The following ZNF518A variants were observed in gnomAD, a reference collection of about 807,000 sequenced individuals.
The protein encoded by ZNF518A is zinc finger protein 518A.
Under a neutral mutation model 102.7 loss-of-function variants are expected in ZNF518A, and 47 were observed. The observed-to-expected ratio is 0.46, with a 90% CI of 0.36 to 0.58. The LOEUF (loss-of-function observed/expected upper bound fraction) is 0.58. Among genes scored for constraint, ZNF518A ranks in the 20% least tolerant of loss-of-function variants. ZNF518A has a pLI of 0.00. For synonymous variants in ZNF518A, 652 were observed against 594.6 expected (o/e 1.10, Z -1.40); for missense variants, 1,793 against 1,699.8 (o/e 1.05, Z -0.96).
In ZNF518A at chr10:96,160,666, A is replaced by G. The variant is rs782319785; in HGVS notation, c.4344A>G (p.Lys1448=). 6.2e-7 allele frequency: 1 copy of G among 1,613,224 alleles called. No individual in the cohort carries two copies. The highest frequency in any genetic ancestry group is 1.1e-5 in the South Asian group (1 of 91,014). Residue 1448 remains lysine, a synonymous_variant, in exon 6 of 6, where the codon AAA becomes AAG. Coordinates refer to ENST00000316045, the MANE Select transcript of ZNF518A (RefSeq NM_001330736.2). Reference sequence around the variant, plus strand: ...CCTCTGAAAATATTTTGAAGGCTAAATTTAACTGTTGGTTTTGTGGTAGAG... The same window carrying G: ...CCTCTGAAAATATTTTGAAGGCTAAGTTTAACTGTTGGTTTTGTGGTAGAG... ...KTTSENILKA[K]FNCWFCGRVF...
At chr10:96,195,477 C>A (rs1216663334) in intron 1 of ZNF518A, among the ~76,000 whole-genome samples, 2 of 152,180 alleles carry the variant, frequency 1.3e-5, no homozygotes, top group African/African-American at 4.8e-5. Flanking sequence ...ACTATGCAGC[C>A]TTAAAAAGGA....
At chr10:96,171,033 A>C (rs1362936927) in intron 1 of ZNF518A, among the ~76,000 whole-genome samples, 4 of 152,098 alleles carry the variant, frequency 2.6e-5, no homozygotes, top group Admixed American at 1.3e-4. Context: ...TAAAAAAAAA[A>C]AAACCCAGAT....
At chr10:96,193,780 C>T (rs1382874615) in intron 1 of ZNF518A, among the ~76,000 whole-genome samples, 1 of 152,168 alleles carries the variant, frequency 6.6e-6, no homozygotes, top group Non-Finnish European at 1.5e-5. Context: ...GCTGCATAAA[C>T]AGTTAAATAG....
At chr10:96,184,884 T>C (rs587680737) in intron 1 of ZNF518A, among the ~76,000 whole-genome samples, 1 of 152,344 alleles carries the variant, frequency 6.6e-6, no homozygotes, top group Non-Finnish European at 1.5e-5. Context: ...CTGGATAATA[T>C]CCTGAAGAGT....
At position 96,162,661 on chromosome 10, in the gene ZNF518A, G is replaced by A. The variant is rs587677867; in HGVS notation, c.*1887G>A. On this transcript the variant is annotated 3_prime_UTR_variant, in exon 6 of 6. Transcript: ENST00000316045. ...ACAGTATATATTAATAATGTACATG[G>A]TGTTTAAAGAATGGTAAGCATTGTT... The A allele has an allele frequency of 3.0e-5, 5 of 166,070 alleles. No homozygotes were observed. The highest frequency in any genetic ancestry group is 1.2e-4 in the African/African-American group (5 of 41,560). 10.3% of individuals were successfully genotyped at this position (166,070 alleles called of 1,614,324 possible). A position where few individuals can be genotyped will look rare whatever the true frequency, so the allele number is the denominator to read the frequency against.
intron 2 of ZNF518A, chr10:96,203,821 A>G (rs1340708501): frequency 2.5e-6 from 1 of 393,462 alleles, no homozygotes; most frequent in African/African-American, 2.1e-5. Context: ...ATGATCAGTA[A>G]AATATTAAAT....
chr10:96,147,871 G>C (rs587627846), intron 3 of ZNF518A, among the ~76,000 whole-genome samples: 1 of 152,154 alleles, frequency 6.6e-6, no homozygotes, highest in Admixed American at 6.5e-5. Context: ...TTTTATTGAT[G>C]ATTTCCTTCC....
chr10:96,179,190 A>G (rs1456440177), intron 1 of ZNF518A, among the ~76,000 whole-genome samples: 9 of 152,178 alleles, frequency 5.9e-5, no homozygotes, highest in Admixed American at 5.9e-4. Flanking sequence ...TATAAAATGG[A>G]TACTGTATGT....
At chr10:96,195,004 C>T (rs1564809687) in intron 1 of ZNF518A, among the ~76,000 whole-genome samples, 2 of 151,756 alleles carry the variant, frequency 1.3e-5, no homozygotes, top group African/African-American at 2.4e-5. Flanking sequence ...CTCCTGACCT[C>T]GTGATCCGCC....
intron 3 of ZNF518A, among the ~76,000 whole-genome samples, chr10:96,149,129 C>T (rs1390964036): frequency 6.6e-6 from 1 of 151,964 alleles, no homozygotes. Context: ...AACATAAGTA[C>T]ATGTTTTTAT....
chr10:96,165,470 C>CAAA (rs35332637), downstream of ZNF518A, among the ~76,000 whole-genome samples: 4 of 112,364 alleles, frequency 3.6e-5, no homozygotes, highest in Non-Finnish European at 5.7e-5. Context: ...CAACAACAAC[C>CAAA]AAAAAAAAAA....
At chr10:96,189,299 A>G in intron 1 of ZNF518A, 1 of 461,354 alleles carries the variant, frequency 2.2e-6, no homozygotes, top group Non-Finnish European at 4.1e-6. Context: ...ACAGCCAGAT[A>G]TTGACTGTTA....
chr10:96,161,216 A>G lies in ZNF518A; in HGVS notation c.*442A>G, dbSNP rs1362421160. The G allele has an allele frequency of 5.9e-6, 1 of 168,980 alleles. No homozygotes were observed. The highest frequency in any genetic ancestry group is 1.9e-4 in the East Asian group (1 of 5,230). The allele number at this position is 168,980 out of a possible 1,614,324, so 10.5% of individuals were successfully genotyped here. On this transcript the variant is annotated 3_prime_UTR_variant, in exon 6 of 6. Coordinates refer to ENST00000316045, the MANE Select transcript of ZNF518A (RefSeq NM_001330736.2). The stretch of plus-strand genomic sequence containing the variant: ...TCGTAGAACTGAAGGAGTTTCTCAC[A>G]TTTGTGAAGATACTTTGAGAGAACC...
At chr10:96,181,906 G>A (rs1191109587) in intron 1 of ZNF518A, among the ~76,000 whole-genome samples, 1 of 152,132 alleles carries the variant, frequency 6.6e-6, no homozygotes, top group Non-Finnish European at 1.5e-5. Flanking sequence ...GGATGGCATT[G>A]AATCTATAAA....
chr10:96,185,883 C>G (rs11594595), intron 1 of ZNF518A, among the ~76,000 whole-genome samples: 1 of 152,072 alleles, frequency 6.6e-6, no homozygotes, highest in Non-Finnish European at 1.5e-5. Context: ...CCACCCAGTT[C>G]GAGCTTCCAG....
intron 1 of ZNF518A, among the ~76,000 whole-genome samples, chr10:96,171,985 G>T (rs1435809280): frequency 1.3e-5 from 2 of 152,086 alleles, no homozygotes; most frequent in Non-Finnish European, 1.5e-5. Context: ...CTAAAGGGAA[G>T]TGGATAACAT....
At chr10:96,179,528 T>C (rs1006657922) in intron 1 of ZNF518A, among the ~76,000 whole-genome samples, 4 of 152,208 alleles carry the variant, frequency 2.6e-5, no homozygotes, top group Non-Finnish European at 5.9e-5. Context: ...GATGTCCCCA[T>C]AGAGTTTATC....
intron 3 of ZNF518A, among the ~76,000 whole-genome samples, chr10:96,144,879 T>C (rs976306555): frequency 6.6e-6 from 1 of 152,174 alleles, no homozygotes; most frequent in East Asian, 1.9e-4. Flanking sequence ...AAGAATAATA[T>C]GCTGCATATT....
chr10:96,171,023 TAAA>T (rs782009842), intron 1 of ZNF518A, among the ~76,000 whole-genome samples: 4 of 137,182 alleles, frequency 2.9e-5, no homozygotes, highest in Non-Finnish European at 6.4e-5. Context: ...GAGATACCAC[TAAA>T]AAAAAAAAAA....
Sources: allele counts gnomAD v4.1 joint callset (sites outside exome capture counted in the v4.1 genomes callset), GRCh38; gene constraint gnomAD v4.1.1; transcripts MANE v1.5; gene names NCBI Gene and HGNC (gene_info 2026-07-23, HGNC 2026-07-21).